The following NREP variants were observed in gnomAD, a reference collection of about 807,000 sequenced individuals.
NREP encodes neuronal regeneration-related protein.
In NREP, 5 loss-of-function variants were observed where a neutral mutation model predicts 8.6. The ratio of observed to expected loss-of-function variants is 0.58; its 90% CI spans 0.30 to 1.22. The LOEUF (loss-of-function observed/expected upper bound fraction) is 1.22. NREP is among the 50% of genes most tolerant of loss of function. The pLI is 0.07. For synonymous variants in NREP, 27 were observed against 28.0 expected (o/e 0.96, Z 0.11); for missense variants, 86 against 82.5 (o/e 1.04, Z -0.17).
At chr5:111,851,631 C>T (rs995662448) in intron 2 of NREP, among the ~76,000 whole-genome samples, 1 of 151,960 alleles carries the variant, frequency 6.6e-6, no homozygotes, top group African/African-American at 2.4e-5. Context: ...TTATCAGAGG[C>T]TGGGGTGGTA....
intron 2 of NREP, among the ~76,000 whole-genome samples, chr5:111,846,992 G>A (rs572291714): frequency 2.0e-5 from 3 of 152,008 alleles, no homozygotes; most frequent in Non-Finnish European, 4.4e-5. Flanking sequence ...AAATCTTAGG[G>A]GACCAAACAC....
chr5:111,819,508 A>G (rs1182272130), intron 2 of NREP, among the ~76,000 whole-genome samples: 1 of 152,174 alleles, frequency 6.6e-6, no homozygotes, highest in African/African-American at 2.4e-5. Context: ...ATGTTCGAGC[A>G]CTATTTCTTT....
intron 2 of NREP, among the ~76,000 whole-genome samples, chr5:111,863,414 G>A (rs1753596675): frequency 6.6e-6 from 1 of 152,142 alleles, no homozygotes; most frequent in Non-Finnish European, 1.5e-5. Context: ...TGGATACACA[G>A]ATTTGGAAAT....
chr5:111,830,471 G>C (rs1447452507), intron 2 of NREP, among the ~76,000 whole-genome samples: 1 of 152,206 alleles, frequency 6.6e-6, no homozygotes, highest in Non-Finnish European at 1.5e-5. Flanking sequence ...GATAGCGAAA[G>C]CTGAAATGGG....
chr5:111,922,646 C>T (rs146572841), intron 2 of NREP, among the ~76,000 whole-genome samples: 2 of 152,146 alleles, frequency 1.3e-5, no homozygotes, highest in African/African-American at 4.8e-5. Flanking sequence ...TTAGTAGGTT[C>T]TCCTCTGAGA....
upstream of NREP, chr5:111,757,365 A>T (rs1168719348): frequency 2.1e-6 from 2 of 932,204 alleles, no homozygotes; most frequent in African/African-American, 1.8e-5. Context: ...GGAGGAGGAG[A>T]TCATCTCCCT....
chr5:111,735,169 C>A, intron 3 of NREP: 1 of 383,276 alleles, frequency 2.6e-6, no homozygotes, highest in East Asian at 4.8e-5. Flanking sequence ...GACTTAAAAC[C>A]TGTAAACTGT....
At chr5:111,930,399 T>A (rs576117331) in intron 2 of NREP, among the ~76,000 whole-genome samples, 1 of 152,280 alleles carries the variant, frequency 6.6e-6, no homozygotes, top group Non-Finnish European at 1.5e-5. Flanking sequence ...TAGTTTAATC[T>A]CTAAACTTTC....
intron 2 of NREP, among the ~76,000 whole-genome samples, chr5:111,787,562 C>T (rs1308809655): frequency 6.6e-6 from 1 of 151,158 alleles, no homozygotes; most frequent in Non-Finnish European, 1.5e-5. Flanking sequence ...ATTATTTTTG[C>T]CACAGAAGGT....
At position 111,877,357 on chromosome 5, in the gene NREP, T is replaced by C. The variant is rs1753933996; in HGVS notation, c.135+97917A>G. Among the ~76,000 whole-genome samples, 3 of 152,358 alleles carry C rather than the reference T, an allele frequency of 2.0e-5. No homozygotes were observed. In the South Asian group the frequency reaches 6.2e-4, roughly 32 times the overall value. ...TAAACCAATATCATGTTATTCACAC[T>C]CATGAAAACCCTCACATAATTTTCC... On this transcript the variant is annotated intron_variant, in intron 2 of 3. Transcript: ENST00000395634.
At chr5:111,731,156 T>C (rs781118197) in intron 3 of NREP, 110 bp from the exon 4 acceptor site, 8 of 1,171,166 alleles carry the variant, frequency 6.8e-6, no homozygotes, top group Non-Finnish European at 7.2e-6. Context: ...GCCCACATTA[T>C]ACCCTTGAAC....
At position 111,733,481 on chromosome 5, in the gene NREP, A is replaced by G. The variant is rs144952927; in HGVS notation, c.81+1949T>C. On this transcript the variant is annotated intron_variant, in intron 3 of 3. Transcript: ENST00000257435. ...AATCCTCTTCCCCTGACTGATTTCAATCCACACACCCTCCCACTATTTTTT... is the reference window on the plus strand; with the variant it reads ...AATCCTCTTCCCCTGACTGATTTCAGTCCACACACCCTCCCACTATTTTTT... 138 of 151,730 alleles carry G rather than the reference A, an allele frequency of 9.1e-4. 1 individual carries two copies. The highest frequency in any genetic ancestry group is 3.1e-3 in the African/African-American group (130 of 41,302). The allele number at this position is 151,730 out of a possible 1,614,324, so 9.4% of individuals were successfully genotyped here.
chr5:111,935,616 A>C (rs900772338), intron 2 of NREP, among the ~76,000 whole-genome samples: 1 of 152,122 alleles, frequency 6.6e-6, no homozygotes, highest in Non-Finnish European at 1.5e-5. Context: ...AATAAAAATT[A>C]AGTTTGAATA....
At chr5:111,868,231 T>C (rs1167505268) in intron 2 of NREP, among the ~76,000 whole-genome samples, 1 of 152,130 alleles carries the variant, frequency 6.6e-6, no homozygotes, top group African/African-American at 2.4e-5. Context: ...CAAATGTGTT[T>C]TACCAAACAA....
At position 111,820,802 on chromosome 5, in the gene NREP, G is replaced by C. The variant is rs1052976666; in HGVS notation, c.136-85295C>G. On this transcript the variant is annotated intron_variant, in intron 2 of 3. Transcript: ENST00000395634. ...ATAAAGAATTTTTGTGGAAAAAGTTGTCAGTGATTGAAGTGGATTATTGAT... is the reference window on the plus strand; with the variant it reads ...ATAAAGAATTTTTGTGGAAAAAGTTCTCAGTGATTGAAGTGGATTATTGAT... Among the ~76,000 whole-genome samples, 4 of 152,026 alleles carry C rather than the reference G, an allele frequency of 2.6e-5. No homozygotes were observed. The East Asian group carries it at 7.7e-4, about 29-fold the overall frequency.
upstream of NREP, among the ~76,000 whole-genome samples, chr5:111,761,260 C>T (rs981821194): frequency 1.3e-5 from 2 of 152,138 alleles, no homozygotes; most frequent in African/African-American, 2.4e-5. Context: ...CCTGATGGAT[C>T]CCACCTCTCC....
At chr5:111,762,310 C>A (rs940816017), upstream of NREP, among the ~76,000 whole-genome samples, 1 of 152,110 alleles carries the variant, frequency 6.6e-6, no homozygotes. Context: ...GTGGGTGACA[C>A]TGAGTTCAAT....
intron 2 of NREP, among the ~76,000 whole-genome samples, chr5:111,790,356 T>C (rs1191843863): frequency 1.2e-4 from 15 of 130,298 alleles, no homozygotes; most frequent in African/African-American, 2.2e-4. Flanking sequence ...ACTTTTTTTT[T>C]TTTTTTTTTT....
intron 2 of NREP, among the ~76,000 whole-genome samples, chr5:111,970,843 A>AAC: frequency 6.6e-6 from 1 of 151,220 alleles, no homozygotes; most frequent in Non-Finnish European, 1.5e-5. Flanking sequence ...AAAAAAAAAA[A>AAC]AAAAAAGAAA....
Sources: gnomAD v4.1 joint callset for allele counts (sites outside exome capture counted in the v4.1 genomes callset) on GRCh38, gnomAD v4.1.1 for gene constraint, MANE v1.5 for transcripts, NCBI Gene and HGNC (gene_info 2026-07-23, HGNC 2026-07-21) for gene names.